NCOR2: variants seen among roughly 807,000 people sequenced by gnomAD.
NCOR2 encodes the protein nuclear receptor corepressor 2, also known as CTG repeat protein 26.
NCOR2 carries 81 observed loss-of-function variants against 262.9 expected under a neutral mutation model. The observed-to-expected ratio is 0.31, with a 90% CI of 0.26 to 0.37. NCOR2 has a LOEUF of 0.37. NCOR2 is among the 10% of genes least tolerant of loss of function. The pLI is 1.00. For missense variants in NCOR2, 3,385 were observed against 3,621.4 expected, an observed-to-expected ratio of 0.93 and a Z score of 1.68; for synonymous variants, 1,659 against 1,559.3, an observed-to-expected ratio of 1.06 and a Z score of -1.51.
At chr12:124,563,714 G>A (rs141565964) in intron 1 of NCOR2, among the ~76,000 whole-genome samples, 4 of 152,258 alleles carry the variant, frequency 2.6e-5, no homozygotes, top group African/African-American at 9.6e-5. Context: ...GAATGTTTCA[G>A]ATAAAATGAG....
intron 8 of NCOR2, among the ~76,000 whole-genome samples, chr12:124,436,987 G>T (rs2136401229): frequency 6.6e-6 from 1 of 152,302 alleles, no homozygotes; most frequent in East Asian, 1.9e-4. Context: ...TTGGGAGGCT[G>T]AGGCAGGAGA....
rs2050295509 is a variant in NCOR2, at chr12:124,523,430, A to G, written c.-118+12135T>C. Among the ~76,000 whole-genome samples the G allele has an allele frequency of 6.6e-6, 1 of 152,178 alleles. No individual in the cohort carries two copies. Among genetic ancestry groups the G allele is most frequent in the Non-Finnish European group, 1.5e-5 (1 of 68,036 alleles). The stretch of plus-strand genomic sequence containing the variant: ...TGCCCAGGAATGCTCCACGCCAGCC[A>G]GCTGGATCCCAGGGACCTAACCCGG... On this transcript the variant is annotated intron_variant, in intron 1 of 46. Coordinates refer to the NCOR2 transcript ENST00000404621. The surrounding 1 kb of genome is among the most constrained non-coding windows in gnomAD (Gnocchi z 4.0).
chr12:124,488,399 C>G (rs1285993682), intron 1 of NCOR2, among the ~76,000 whole-genome samples: 1 of 152,226 alleles, frequency 6.6e-6, no homozygotes, highest in Non-Finnish European at 1.5e-5. Flanking sequence ...CCCTGTTATT[C>G]TAACCCTCTG....
chr12:124,390,252 G>C (rs1433412568), intron 16 of NCOR2, among the ~76,000 whole-genome samples: 1 of 152,136 alleles, frequency 6.6e-6, no homozygotes, highest in African/African-American at 2.4e-5. Context: ...TGAAGCTCTT[G>C]GAATAAAATC....
At chr12:124,557,990 G>A (rs936600853) in intron 1 of NCOR2, among the ~76,000 whole-genome samples, 1 of 152,150 alleles carries the variant, frequency 6.6e-6, no homozygotes, top group African/African-American at 2.4e-5. Context: ...CCAGGGCCTG[G>A]AGCTGCATCC....
chr12:124,388,712 C>T, intron 16 of NCOR2: 1 of 1,304,442 alleles, frequency 7.7e-7, no homozygotes, highest in Non-Finnish European at 1.0e-6. Flanking sequence ...TCCCCCTCGG[C>T]CAAGTTTTCC....
chr12:124,486,703 C>A, intron 1 of NCOR2, 135 bp from the exon 4 acceptor site: 1 of 1,090,826 alleles, frequency 9.2e-7, no homozygotes, highest in South Asian at 1.7e-5. Context: ...CCAAGTCCTG[C>A]AGGGAACCTC....
At chr12:124,486,324 C>G in intron 2 of NCOR2, 117 bp downstream of exon 4, 1 of 1,475,632 alleles carries the variant, frequency 6.8e-7, no homozygotes, top group Admixed American at 2.4e-5. Flanking sequence ...ACACACGGCC[C>G]GACATCCCCT....
intron 13 of NCOR2, among the ~76,000 whole-genome samples, chr12:124,407,008 C>G (rs1565915084): frequency 6.6e-6 from 1 of 152,214 alleles, no homozygotes; most frequent in African/African-American, 2.4e-5. Flanking sequence ...AATGCAAAGA[C>G]AGAGGGAGTT....
At chr12:124,342,190 T>A (rs1189382736) in intron 33 of NCOR2, 116 bp from the exon 36 acceptor site, 27 of 1,258,798 alleles carry the variant, frequency 2.1e-5, no homozygotes, top group Non-Finnish European at 2.8e-5. Context: ...CACCTACATG[T>A]GTGGCTGCCC....
At chr12:124,388,990 G>T (rs1025027009) in intron 16 of NCOR2, among the ~76,000 whole-genome samples, 1 of 152,028 alleles carries the variant, frequency 6.6e-6, no homozygotes, top group African/African-American at 2.4e-5. Context: ...GGTGGCCCGG[G>T]GCTCCTCCAG....
chr12:124,510,515 A>T (rs1271664962), intron 1 of NCOR2, among the ~76,000 whole-genome samples: 1 of 152,202 alleles, frequency 6.6e-6, no homozygotes, highest in African/African-American at 2.4e-5. Context: ...AGAGACTGGC[A>T]CAGAGAGGCC....
In NCOR2 at chr12:124,517,184, T is replaced by C. The variant is rs2049857913; in HGVS notation, c.-118+18381A>G. Among the ~76,000 whole-genome samples, 1 of 151,920 alleles carries C rather than the reference T, an allele frequency of 6.6e-6. No homozygotes were observed. The highest frequency in any genetic ancestry group is 1.5e-5 in the Non-Finnish European group (1 of 67,920). On this transcript the variant is annotated intron_variant, in intron 1 of 46. Transcript: ENST00000404621. The surrounding 1 kb of genome is among the most constrained non-coding windows in gnomAD (Gnocchi z 7.6). ...GCAACACGCCCAAGGTCACACAGCA[T>C]AGAGAGGACGGAGCCAGGACTCAAA...
intron 10 of NCOR2, 74 bp from the exon 13 acceptor site, chr12:124,426,874 G>C (rs534397014): frequency 7.1e-7 from 1 of 1,399,964 alleles, no homozygotes; most frequent in African/African-American, 1.4e-5. Flanking sequence ...ACCCAGGGAA[G>C]ACACAGAGGG....
At chr12:124,411,465 G>A (rs2042583986) in intron 13 of NCOR2, among the ~76,000 whole-genome samples, 1 of 152,178 alleles carries the variant, frequency 6.6e-6, no homozygotes, top group Non-Finnish European at 1.5e-5. Flanking sequence ...AGGACGGGCT[G>A]TTCCCGTCTC....
chr12:124,432,028 C>T lies in NCOR2; in HGVS notation c.883-1241G>A, dbSNP rs1205490779. Among the ~76,000 whole-genome samples, 1 of 151,586 alleles carries T rather than the reference C, an allele frequency of 6.6e-6. No individual in the cohort carries two copies. On this transcript the variant is annotated intron_variant, in intron 8 of 46. Transcript: ENST00000405201. The surrounding 1 kb of genome is among the most constrained non-coding windows in gnomAD (Gnocchi z 5.1). The stretch of plus-strand genomic sequence containing the variant: ...CAGGCAGACATATGACAGACACACA[C>T]ACAGTCCATCACACAGGCAGGCAGG...
intron 5 of NCOR2, among the ~76,000 whole-genome samples, chr12:124,459,657 A>G (rs1219786491): frequency 6.6e-6 from 1 of 152,122 alleles, no homozygotes; most frequent in African/African-American, 2.4e-5. Flanking sequence ...GCAGGGAGCA[A>G]AGTGAAGTGC....
exon 31 of NCOR2, chr12:124,346,619 T>C: frequency 6.3e-7 from 1 of 1,593,298 alleles, no homozygotes; most frequent in Non-Finnish European, 8.5e-7. Flanking sequence ...CTCGGGCGTG[T>C]GCCGCAGCTC....
Position 124,531,880 on chromosome 12 carries a change from C to T in NCOR2, c.-118+3685G>A, listed in dbSNP as rs1049267063. Reference sequence around the variant, plus strand: ...ATGTATAGACAATCCCAGACACCCACCTCCCCACCCCACTCCCAGCTGAAG... The same window carrying T: ...ATGTATAGACAATCCCAGACACCCATCTCCCCACCCCACTCCCAGCTGAAG... On this transcript the variant is annotated intron_variant, in intron 1 of 46. Coordinates refer to the NCOR2 transcript ENST00000404621. This position sits in a 1 kb window ranked among gnomAD's most constrained non-coding sequence, Gnocchi z 4.5. 9.9e-5 allele frequency among the ~76,000 whole-genome samples: 15 copies of T among 151,694 alleles called. No individual in the cohort carries two copies. The highest frequency in any genetic ancestry group is 3.4e-4 in the African/African-American group (14 of 41,270).
Sources: allele counts gnomAD v4.1 joint callset (sites outside exome capture counted in the v4.1 genomes callset), GRCh38; gene constraint gnomAD v4.1.1; non-coding constraint Gnocchi (gnomAD v3.1); transcripts MANE v1.5; gene names NCBI Gene and HGNC (gene_info 2026-07-23, HGNC 2026-07-21).